AGAP3: variants seen among roughly 807,000 people sequenced by gnomAD.
AGAP3 encodes arf-GAP with GTPase, ANK repeat and PH domain-containing protein 3.
Under a neutral mutation model 96.9 loss-of-function variants are expected in AGAP3, and 24 were observed. The observed-to-expected ratio is 0.25, with a 90% CI of 0.18 to 0.35. AGAP3 has a LOEUF of 0.35. Among genes scored for constraint, AGAP3 ranks in the 10% least tolerant of loss-of-function variants. The probability of loss-of-function intolerance (pLI) is 1.00; values close to 1 mark genes in which losing one functional copy is unlikely to be tolerated. For synonymous variants in AGAP3, 563 were observed against 536.1 expected (o/e 1.05, Z -0.69); for missense variants, 876 against 1,254.2 (o/e 0.70, Z 4.55).
chr7:151,114,794 G>T lies in AGAP3; in HGVS notation c.332-1999G>T, dbSNP rs1210210936. 7 of 1,042,010 alleles carry T rather than the reference G, an allele frequency of 6.7e-6. 1 individual carries two copies. Among genetic ancestry groups the T allele is most frequent in the Non-Finnish European group, 8.1e-6 (7 of 868,696 alleles). The allele number at this position is 1,042,010 out of a possible 1,614,324, so 64.5% of individuals were successfully genotyped here. A position where few individuals can be genotyped will look rare whatever the true frequency, so the allele number is the denominator to read the frequency against. Reference sequence around the variant, plus strand: ...GCATGGAGCGGGGCTGGCCGCAGGGGGACAGCTGTCCCGGGGAGCGGCCCG... The same window carrying T: ...GCATGGAGCGGGGCTGGCCGCAGGGTGACAGCTGTCCCGGGGAGCGGCCCG... On this transcript the variant is annotated intron_variant, in intron 1 of 17. Coordinates refer to ENST00000397238, the MANE Select transcript of AGAP3 (RefSeq NM_031946.7). This position sits in a 1 kb window ranked among gnomAD's most constrained non-coding sequence, Gnocchi z 4.4.
chr7:151,120,986 G>A lies in AGAP3; in HGVS notation c.1128+841G>A, dbSNP rs183433485. 9.4e-6 allele frequency: 4 copies of A among 426,248 alleles called. No individual in the cohort carries two copies. In the Admixed American group the frequency reaches 1.7e-4, roughly 19 times the overall value. 26.4% of individuals were successfully genotyped at this position (426,248 alleles called of 1,614,324 possible). ...ACAAAGGTGGGTGAACCCCCGTGTG[G>A]GTTGTCACGAGAGCGCCCGCCCCTC... On this transcript the variant is annotated intron_variant, in intron 8 of 17. Transcript: ENST00000397238.
At chr7:151,123,263 C>A in intron 8 of AGAP3, 1 of 1,053,490 alleles carries the variant, frequency 9.5e-7, no homozygotes, top group South Asian at 3.1e-5. Context: ...GATCCGCATT[C>A]GGGTGGACTC....
chr7:151,130,996 G>A (rs969240428), intron 10 of AGAP3: 4 of 152,310 alleles, frequency 2.6e-5, no homozygotes, highest in Non-Finnish European at 5.9e-5. Context: ...CTGGCAGGAA[G>A]CATGTCGAGG....
chr7:151,134,653 A>G, intron 11 of AGAP3, 85 bp downstream of exon 11: 1 of 1,383,858 alleles, frequency 7.2e-7, no homozygotes. Flanking sequence ...GCTGCTTCTC[A>G]GCCTGGGCAC....
At position 151,141,343 on chromosome 7, in the gene AGAP3, C is replaced by T. The variant is rs1800803894; in HGVS notation, c.1805-555C>T. ...CTGCAGGTCCTGTAGAAAACCTCTC[C>T]TCCTCTCCCCCATCCACTTGCCCTT... On this transcript the variant is annotated intron_variant, in intron 13 of 17. Coordinates refer to ENST00000397238, the MANE Select transcript of AGAP3 (RefSeq NM_031946.7). The surrounding 1 kb of genome is among the most constrained non-coding windows in gnomAD (Gnocchi z 4.2). 1.2e-5 allele frequency: 2 copies of T among 168,988 alleles called. No homozygotes were observed. The highest frequency in any genetic ancestry group is 2.6e-5 in the Non-Finnish European group (2 of 78,386). The allele number at this position is 168,988 out of a possible 1,614,324, so 10.5% of individuals were successfully genotyped here.
chr7:151,115,403 G>GC, intron 1 of AGAP3: 3 of 1,012,512 alleles, frequency 3.0e-6, no homozygotes, highest in Non-Finnish European at 3.5e-6. Flanking sequence ...TGGCCCGGCC[G>GC]CCGCGCGCGC....
At position 151,135,887 on chromosome 7, in the gene AGAP3, T is replaced by C. The variant is rs182193357; in HGVS notation, c.1495+1319T>C. ...TGGGAGACCTAGGGTTCAACCTAACTGTGTCTGACTTGAAGAGCAATCTTC... is the reference window on the plus strand; with the variant it reads ...TGGGAGACCTAGGGTTCAACCTAACCGTGTCTGACTTGAAGAGCAATCTTC... On this transcript the variant is annotated intron_variant, in intron 11 of 17. Coordinates refer to ENST00000397238, the MANE Select transcript of AGAP3 (RefSeq NM_031946.7). 4.3e-4 allele frequency among the ~76,000 whole-genome samples: 65 copies of C among 152,174 alleles called. 1 individual carries two copies. Among genetic ancestry groups the C allele is most frequent in the African/African-American group, 1.5e-3 (62 of 41,432 alleles).
intron 1 of AGAP3, among the ~76,000 whole-genome samples, chr7:151,106,638 C>T (rs551589959): frequency 6.6e-6 from 1 of 152,226 alleles, no homozygotes; most frequent in South Asian, 2.1e-4. Flanking sequence ...CCACCACACC[C>T]AGCTAAATTT....
intron 1 of AGAP3, among the ~76,000 whole-genome samples, chr7:151,099,521 G>T (rs1798752696): frequency 6.6e-6 from 1 of 152,212 alleles, no homozygotes; most frequent in South Asian, 2.1e-4. Context: ...AAGTACAACT[G>T]TTGTTGTGTG....
intron 1 of AGAP3, among the ~76,000 whole-genome samples, chr7:151,094,447 T>TC (rs1798517972): frequency 6.8e-6 from 1 of 146,478 alleles, no homozygotes; most frequent in African/African-American, 2.5e-5. Flanking sequence ...CTGCCCCACT[T>TC]CCCCGGCACC....
At chr7:151,137,299 T>C (rs994543918) in intron 11 of AGAP3, among the ~76,000 whole-genome samples, 8 of 152,234 alleles carry the variant, frequency 5.3e-5, no homozygotes, top group African/African-American at 1.9e-4. Flanking sequence ...CTCCAGCACC[T>C]GGCGGGCTCC....
intron 9 of AGAP3, 40 bp downstream of exon 9, chr7:151,123,926 G>T: frequency 6.3e-7 from 1 of 1,584,288 alleles, no homozygotes; most frequent in South Asian, 1.1e-5. Flanking sequence ...GGCTCAGAAT[G>T]AGGCCCAGGA....
rs899187467 is a variant in AGAP3, at chr7:151,123,341, G to T, written c.1129-453G>T. On this transcript the variant is annotated intron_variant, in intron 8 of 17. Coordinates refer to ENST00000397238, the MANE Select transcript of AGAP3 (RefSeq NM_031946.7). ...TCTCCTCTCTCTGTCCATCCACTGTGCCCCTTGGGCCACGCCGACGCGCTC... is the reference window on the plus strand; with the variant it reads ...TCTCCTCTCTCTGTCCATCCACTGTTCCCCTTGGGCCACGCCGACGCGCTC... The T allele has an allele frequency of 2.3e-5, 24 of 1,038,772 alleles. No homozygotes were observed. The African/African-American group carries it at 3.8e-4, about 16-fold the overall frequency. 64.3% of individuals were successfully genotyped at this position (1,038,772 alleles called of 1,614,324 possible). A position where few individuals can be genotyped will look rare whatever the true frequency, so the allele number is the denominator to read the frequency against.
chr7:151,143,753 G>A lies in AGAP3; in HGVS notation c.2546G>A (p.Arg849Lys), dbSNP rs2150541849. The change falls in exon 18 of 18, where the codon AGG (arginine) becomes AAG (lysine). Residue 849 changes from arginine (R) to lysine (K), a missense_variant. Arg to Lys is a conservative substitution (Grantham distance 26). Around this residue, in one of 8 missense-constraint regions of AGAP3, gnomAD observed 213 missense variants for 253.8 expected, o/e 0.84. Transcript: ENST00000397238. The surrounding 1 kb of genome is among the most constrained non-coding windows in gnomAD (Gnocchi z 5.9). ...QLLIWYGVDVRSRDARGLTPL... is the reference protein window; with the variant it reads ...QLLIWYGVDVKSRDARGLTPL... ...CTCCTACAGTACGGGGTGGACGTGA[G>A]GAGCCGGGACGCCCGGGGCCTGACT... is the stretch of plus-strand genomic sequence containing the variant. 1.2e-6 allele frequency: 2 copies of A among 1,614,208 alleles called. No individual in the cohort carries two copies. Among genetic ancestry groups the A allele is most frequent in the East Asian group, 4.5e-5 (2 of 44,892 alleles).
chr7:151,142,929 G>A lies in AGAP3; in HGVS notation c.2273+295G>A, dbSNP rs1156795208. ...GCGCCCACTCCGGAGCTCTGAGATGGGGAGAATGGGTGAGAGATAGGGGAG... is the reference window on the plus strand; with the variant it reads ...GCGCCCACTCCGGAGCTCTGAGATGAGGAGAATGGGTGAGAGATAGGGGAG... On this transcript the variant is annotated intron_variant, in intron 16 of 17. Transcript: ENST00000397238. This position sits in a 1 kb window ranked among gnomAD's most constrained non-coding sequence, Gnocchi z 7.5. Among the ~76,000 whole-genome samples the A allele has an allele frequency of 6.6e-6, 1 of 152,212 alleles. No homozygotes were observed.
Position 151,134,408 on chromosome 7 carries a change from G to T in AGAP3, c.1335G>T (p.Met445Ile). 1 of 1,613,690 alleles carries T rather than the reference G, an allele frequency of 6.2e-7. No individual in the cohort carries two copies. Residue 445 changes from methionine (M) to isoleucine (I), a missense_variant, in exon 11 of 18, where the codon ATG (methionine) becomes ATT (isoleucine). This residue lies in a region of AGAP3 where 63 missense variants were observed against 114.5 expected (regional missense o/e 0.55). Transcript: ENST00000397238. The part of the protein sequence containing the change: ...LTYHPSLHDY[M>I]QNIHGKEIDL... ...TCCCACCCGGCCTGCAGGATTACAT[G>T]CAGAACATCCACGGCAAGGAGATTG...
At chr7:151,088,116 G>A (rs1798233901) in intron 1 of AGAP3, among the ~76,000 whole-genome samples, 2 of 152,220 alleles carry the variant, frequency 1.3e-5, no homozygotes, top group Non-Finnish European at 2.9e-5. Flanking sequence ...CCCTGACTTG[G>A]GCCTTAAGGT....
chr7:151,142,406 G>A lies in AGAP3; in HGVS notation c.2051-6G>A. Reference sequence around the variant, plus strand: ...GTCGCTGTATCATTCTCCTCTCCTTGCCTAGATCCAGACTGGGCCAGCCTG... The same window carrying A: ...GTCGCTGTATCATTCTCCTCTCCTTACCTAGATCCAGACTGGGCCAGCCTG... On this transcript the variant is annotated splice_region_variant and splice_polypyrimidine_tract_variant and intron_variant, in intron 15 of 17. Coordinates refer to ENST00000397238, the MANE Select transcript of AGAP3 (RefSeq NM_031946.7). The surrounding 1 kb of genome is among the most constrained non-coding windows in gnomAD (Gnocchi z 7.5). The A allele has an allele frequency of 6.2e-7, 1 of 1,612,438 alleles. No homozygotes were observed. Among genetic ancestry groups the A allele is most frequent in the African/African-American group, 1.3e-5 (1 of 75,000 alleles).
At position 151,135,957 on chromosome 7, in the gene AGAP3, G is replaced by A. The variant is rs1800575377; in HGVS notation, c.1495+1389G>A. Among the ~76,000 whole-genome samples the A allele has an allele frequency of 2.0e-5, 3 of 152,182 alleles. No homozygotes were observed. The South Asian group carries it at 6.2e-4, about 31-fold the overall frequency. ...AGCTCAGAAAGGAAGCCTGTGAGGT[G>A]GATGGAGGGAAGGAAGGAAGCTAAG... On this transcript the variant is annotated intron_variant, in intron 11 of 17. Transcript: ENST00000397238.
Sources: gnomAD v4.1 joint callset for allele counts (sites outside exome capture counted in the v4.1 genomes callset) on GRCh38, gnomAD v4.1.1 for gene constraint, gnomAD v4.1.1 regional missense constraint, Gnocchi (gnomAD v3.1) non-coding constraint, MANE v1.5 for transcripts, NCBI Gene and HGNC (gene_info 2026-07-23, HGNC 2026-07-21) for gene names.